Variants in PLAAT5 observed in about 807,000 individuals in gnomAD.
The protein encoded by PLAAT5 is phospholipase A and acyltransferase 5.
In PLAAT5, 27 loss-of-function variants were observed where a neutral mutation model predicts 27.8. The observed-to-expected ratio is 0.97, with a 90% CI of 0.72 to 1.34. The LOEUF is 1.34. PLAAT5 is among the 40% of genes most tolerant of loss of function. PLAAT5 has a pLI of 0.00. For missense variants in PLAAT5, 368 were observed against 343.8 expected (o/e 1.07, Z -0.56); for synonymous variants, 125 against 136.1 (o/e 0.92, Z 0.57).
chr11:63,463,604 C>T lies in PLAAT5; in HGVS notation c.718-9G>A. 1.2e-6 allele frequency: 2 copies of T among 1,610,372 alleles called. No homozygotes were observed. The highest frequency in any genetic ancestry group is 3.3e-4 in the Middle Eastern group (2 of 6,044). Reference sequence around the variant, plus strand: ...ATCAGGGCGTGCTCTACCTGCAAAGCACATCAGTTCACAGGACAATCAGTA... The same window carrying T: ...ATCAGGGCGTGCTCTACCTGCAAAGTACATCAGTTCACAGGACAATCAGTA... On this transcript the variant is annotated splice_polypyrimidine_tract_variant and intron_variant, in intron 5 of 5. Transcript: ENST00000540857.
Position 63,488,923 on chromosome 11 carries a change from C to T in PLAAT5, c.293G>A (p.Ser98Asn). 3 of 1,613,868 alleles carry T rather than the reference C, an allele frequency of 1.9e-6. No individual in the cohort carries two copies. Among genetic ancestry groups the T allele is most frequent in the Non-Finnish European group, 2.5e-6 (3 of 1,179,844 alleles). The stretch of plus-strand genomic sequence containing the variant: ...TTCATTCTCAGGCTTTGGAATTGAA[C>T]TCCAGTCTGCTTTCTGGCTGGGTGT... ...ETTPSQKADW[S>N]SIPKPENEGK... Residue 98 changes from serine to asparagine, a missense_variant, in exon 3 of 6, where the codon AGT (serine) becomes AAT (asparagine). By Grantham distance (46) the Ser-to-Asn change is conservative. Transcript: ENST00000540857.
chr11:63,488,849 T>G, intron 3 of PLAAT5, 22 bp downstream of exon 3: 1 of 1,537,860 alleles, frequency 6.5e-7, no homozygotes, highest in Non-Finnish European at 9.0e-7. Flanking sequence ...ATAGTCACTT[T>G]GAGAATTCTT....
In PLAAT5 at chr11:63,463,370, T is replaced by C. The variant is rs2015767141; in HGVS notation, c.*133A>G. 3 of 720,448 alleles carry C rather than the reference T, an allele frequency of 4.2e-6. No homozygotes were observed. Among genetic ancestry groups the C allele is most frequent in the Admixed American group, 1.9e-5 (1 of 52,304 alleles). The allele number at this position is 720,448 out of a possible 1,614,324, so 44.6% of individuals were successfully genotyped here. The stretch of plus-strand genomic sequence containing the variant: ...ATTGGATGTATTTCTGGAAGGGTAA[T>C]TGGATACATTGTAGATTCTTCCAGA... On this transcript the variant is annotated 3_prime_UTR_variant, in exon 6 of 6. Transcript: ENST00000540857.
chr11:63,486,309 G>A (rs1425663746), intron 3 of PLAAT5, among the ~76,000 whole-genome samples: 1 of 152,080 alleles, frequency 6.6e-6, no homozygotes, highest in African/African-American at 2.4e-5. Context: ...AGAAGTCATT[G>A]TATGAAAAAG....
chr11:63,472,103 CT>C (rs2016040874), intron 3 of PLAAT5, among the ~76,000 whole-genome samples: 2 of 152,156 alleles, frequency 1.3e-5, no homozygotes, highest in African/African-American at 4.8e-5. Context: ...GGACTTAATA[CT>C]AAGGTGATGG....
chr11:63,478,537 G>A (rs2016207262), intron 3 of PLAAT5, among the ~76,000 whole-genome samples: 1 of 152,134 alleles, frequency 6.6e-6, no homozygotes, highest in African/African-American at 2.4e-5. Flanking sequence ...TAGCCAGGAT[G>A]GTCTCAATCT....
rs985549454 is a variant in PLAAT5 at position 63,462,263 on chromosome 11, T to A, written c.*1240A>T. 6.6e-6 allele frequency: 1 copy of A among 151,892 alleles called. No homozygotes were observed. Among genetic ancestry groups the A allele is most frequent in the Non-Finnish European group, 1.5e-5 (1 of 67,982 alleles). The allele number at this position is 151,892 out of a possible 1,614,324, so 9.4% of individuals were successfully genotyped here. ...AATGAATAGAGACTGAAGGAAGAGG[T>A]ATTGGGAACTCAACTGATTCTCAGG... is the stretch of plus-strand genomic sequence containing the variant. On this transcript the variant is annotated 3_prime_UTR_variant, in exon 6 of 6. Transcript: ENST00000540857.
intron 5 of PLAAT5, among the ~76,000 whole-genome samples, chr11:63,465,619 C>A (rs1477146708): frequency 1.3e-5 from 2 of 151,970 alleles, no homozygotes; most frequent in East Asian, 1.9e-4. Context: ...AGCAAAACCA[C>A]CTCTCAACAA....
At chr11:63,472,549 A>ACTGC (rs1271480959) in intron 3 of PLAAT5, among the ~76,000 whole-genome samples, 1 of 152,206 alleles carries the variant, frequency 6.6e-6, no homozygotes, top group African/African-American at 2.4e-5. Context: ...TTTGGTGAAG[A>ACTGC]CTGCCACCTT....
At chr11:63,487,489 C>A (rs2016463480) in intron 3 of PLAAT5, among the ~76,000 whole-genome samples, 1 of 152,018 alleles carries the variant, frequency 6.6e-6, no homozygotes, top group African/African-American at 2.4e-5. Flanking sequence ...AATGATACAA[C>A]CACTGTGGAA....
intron 3 of PLAAT5, among the ~76,000 whole-genome samples, chr11:63,486,342 A>G (rs2016432620): frequency 6.6e-6 from 1 of 152,202 alleles, no homozygotes; most frequent in Non-Finnish European, 1.5e-5. Context: ...GCATGTTTAT[A>G]GCAGCACAAT....
intron 4 of PLAAT5, among the ~76,000 whole-genome samples, chr11:63,467,778 C>T (rs2015901963): frequency 6.6e-6 from 1 of 152,164 alleles, no homozygotes. Context: ...CCTCCTCCCC[C>T]ATCAAATCTC....
At chr11:63,476,070 G>T (rs1328587454) in intron 3 of PLAAT5, among the ~76,000 whole-genome samples, 1 of 151,852 alleles carries the variant, frequency 6.6e-6, no homozygotes, top group Non-Finnish European at 1.5e-5. Context: ...TACCATTTCT[G>T]GTACTCTCCA....
intron 3 of PLAAT5, among the ~76,000 whole-genome samples, chr11:63,481,531 C>T (rs1419341135): frequency 6.6e-6 from 1 of 152,218 alleles, no homozygotes; most frequent in Non-Finnish European, 1.5e-5. Flanking sequence ...TACATCTGCA[C>T]AGGCTGGCAA....
chr11:63,465,450 T>G (rs1204302278), intron 5 of PLAAT5, among the ~76,000 whole-genome samples: 1 of 151,374 alleles, frequency 6.6e-6, no homozygotes, highest in African/African-American at 2.4e-5. Flanking sequence ...AGGTTGCAAT[T>G]TTATCAACAG....
chr11:63,473,776 A>G (rs12287410), intron 3 of PLAAT5, among the ~76,000 whole-genome samples: 27,449 of 148,576 alleles, frequency 0.18, 5,446 homozygotes, highest in African/African-American at 0.5. Flanking sequence ...GCAGTGGCGC[A>G]ATCTTGGCTC....
intron 3 of PLAAT5, among the ~76,000 whole-genome samples, chr11:63,473,612 T>C (rs1022415547): frequency 2.2e-4 from 34 of 152,126 alleles, no homozygotes; most frequent in Admixed American, 2.2e-3. Context: ...TTTTTTATCA[T>C]GAATGGCAGA....
intron 3 of PLAAT5, among the ~76,000 whole-genome samples, chr11:63,487,330 C>T (rs770003363): frequency 8.5e-5 from 13 of 152,102 alleles, no homozygotes; most frequent in Admixed American, 1.3e-4. Context: ...CATGAAAAGA[C>T]GTTCAACATT....
Position 63,463,180 on chromosome 11 carries a change from C to T in PLAAT5, c.*323G>A, listed in dbSNP as rs552652144. ...GATGTTTCTGATGGCACTCAAGCAT[C>T]GGAGACCAAGGTCAGCCTAAGACAC... On this transcript the variant is annotated 3_prime_UTR_variant, in exon 6 of 6. Coordinates refer to ENST00000540857, the MANE Select transcript of PLAAT5 (RefSeq NM_001146729.2). 62 of 263,486 alleles carry T rather than the reference C, an allele frequency of 2.4e-4. No individual in the cohort carries two copies. The highest frequency in any genetic ancestry group is 1.5e-4 in the South Asian group (1 of 6,560). The allele number at this position is 263,486 out of a possible 1,614,324, so 16.3% of individuals were successfully genotyped here.
Sources: gnomAD v4.1 joint callset for allele counts (sites outside exome capture counted in the v4.1 genomes callset) on GRCh38, gnomAD v4.1.1 for gene constraint, MANE v1.5 for transcripts, NCBI Gene and HGNC (gene_info 2026-07-23, HGNC 2026-07-21) for gene names.